Variants in LRP2 observed in about 807,000 individuals in gnomAD.
The protein encoded by LRP2 is low-density lipoprotein receptor-related protein 2.
A neutral mutation model predicts 531.0 loss-of-function variants in LRP2; 172 were observed. The observed-to-expected ratio is 0.32, with a 90% CI of 0.29 to 0.37. The LOEUF (loss-of-function observed/expected upper bound fraction) is 0.37. Ranked by LOEUF, LRP2 falls within the 10% of genes least tolerant of loss-of-function variation. LRP2 has a pLI of 1.00. For synonymous variants in LRP2, 1,992 were observed against 2,027.6 expected (o/e 0.98, Z 0.47); for missense variants, 5,167 against 5,868.3 (o/e 0.88, Z 3.90).
intron 37 of LRP2, among the ~76,000 whole-genome samples, chr2:169,210,182 C>A (rs568909951): frequency 1.6e-4 from 24 of 152,174 alleles, no homozygotes; most frequent in African/African-American, 2.7e-4. Flanking sequence ...TTGCAATCCT[C>A]GATTAAATAA....
intron 63 of LRP2, among the ~76,000 whole-genome samples, chr2:169,160,683 A>AG (rs1686545485): frequency 1.1e-5 from 1 of 87,696 alleles, no homozygotes; most frequent in Non-Finnish European, 2.4e-5. Context: ...TTATTTCCTT[A>AG]AAAAAAAAAA....
rs1688517034 is a variant in LRP2, at chr2:169,209,461, C to G, written c.6461G>C (p.Trp2154Ser). The change falls in exon 38 of 79, where the codon TGG (tryptophan) becomes TCG (serine). Residue 2154 changes from tryptophan to serine, a missense_variant. Around this residue, in one of 6 missense-constraint regions of LRP2, gnomAD observed 2,811 missense variants for 3,058.0 expected, o/e 0.92. Transcript: ENST00000649046. ...ENGVRGIAVD[W>S]VAGNLYFTNA... ...CCATATAGCTTACATACCTGCTACC[C>G]AATCCACTGCAATACCCCGGACTCC... 3 of 1,613,958 alleles carry G rather than the reference C, an allele frequency of 1.9e-6. No homozygotes were observed. In the South Asian group the frequency reaches 3.3e-5, roughly 18 times the overall value.
Position 169,209,510 on chromosome 2 carries a change from C to A in LRP2, c.6412G>T (p.Val2138Leu), listed in dbSNP as rs763167504. The A allele has an allele frequency of 6.2e-7, 1 of 1,614,142 alleles. No individual in the cohort carries two copies. The highest frequency in any genetic ancestry group is 1.1e-5 in the South Asian group (1 of 91,084). ...KPDGSSLMNI[V>L]THGIGENGVR... ...CCATTTTCTCCTATTCCATGTGTCA[C>A]AATGTTCATCAGAGAAGATCCATCT... Residue 2138 changes from valine to leucine, a missense_variant, in exon 38 of 79, where the codon GTG becomes TTG. Physicochemically the swap from Val to Leu is conservative, Grantham distance 32. Around this residue, in one of 6 missense-constraint regions of LRP2, gnomAD observed 2,811 missense variants for 3,058.0 expected, o/e 0.92. Transcript: ENST00000649046.
intron 1 of LRP2, among the ~76,000 whole-genome samples, chr2:169,360,267 G>T (rs1686114247): frequency 6.6e-6 from 1 of 151,528 alleles, no homozygotes; most frequent in Non-Finnish European, 1.5e-5. Flanking sequence ...TTACTGAATT[G>T]TTCTGTGCCT....
At chr2:169,308,964 T>C (rs1365617703) in intron 3 of LRP2, among the ~76,000 whole-genome samples, 3 of 152,202 alleles carry the variant, frequency 2.0e-5, no homozygotes, top group Non-Finnish European at 4.4e-5. Context: ...TGCATTTCTC[T>C]GATGCTCAGT....
chr2:169,161,889 C>T (rs1206827776), intron 63 of LRP2, among the ~76,000 whole-genome samples: 1 of 152,146 alleles, frequency 6.6e-6, no homozygotes, highest in African/African-American at 2.4e-5. Flanking sequence ...CTGCATTTGG[C>T]TTAAGATTTT....
intron 34 of LRP2, among the ~76,000 whole-genome samples, chr2:169,219,486 G>A (rs902567852): frequency 3.3e-5 from 5 of 152,258 alleles, no homozygotes; most frequent in Admixed American, 3.3e-4. Context: ...CTCCTAACTG[G>A]TCTCCCTGGC....
In LRP2 at chr2:169,279,378, G is replaced by T; in HGVS notation, c.1559C>A (p.Thr520Asn). ...ATGTTTTCACATCACTTACCCAACA[G>T]TTGGGTCCACGGCAATTCCTCTAGG... ...GHPRGIAVDP[T>N]VGYLFFSDWE... Residue 520 changes from threonine to asparagine, a missense_variant, in exon 12 of 79, where the codon ACT (threonine) becomes AAT (asparagine). By Grantham distance (65) the Thr-to-Asn change is moderately conservative (BLOSUM62 0). Around this residue, in one of 6 missense-constraint regions of LRP2, gnomAD observed 2,811 missense variants for 3,058.0 expected, o/e 0.92. Coordinates refer to ENST00000649046, the MANE Select transcript of LRP2 (RefSeq NM_004525.3). 5 of 1,612,456 alleles carry T rather than the reference G, an allele frequency of 3.1e-6. No individual in the cohort carries two copies. The highest frequency in any genetic ancestry group is 4.2e-6 in the Non-Finnish European group (5 of 1,178,488).
intron 75 of LRP2, 71 bp from the exon 76 acceptor site, chr2:169,137,564 C>A (rs1685560930): frequency 1.1e-6 from 1 of 887,278 alleles, no homozygotes; most frequent in Admixed American, 1.8e-5. Context: ...CCATACTAAT[C>A]TGGTTCACAC....
intron 6 of LRP2, 67 bp from the exon 7 acceptor site, chr2:169,292,436 C>T (rs1684021679): frequency 1.0e-6 from 1 of 992,838 alleles, no homozygotes; most frequent in Non-Finnish European, 1.6e-6. Flanking sequence ...GTGCTCTCAC[C>T]TCACTGCCTA....
At chr2:169,173,295 G>A (rs1428359762) in intron 56 of LRP2, 71 bp from the exon 57 acceptor site, 3 of 1,581,584 alleles carry the variant, frequency 1.9e-6, no homozygotes, top group African/African-American at 1.3e-5. Flanking sequence ...TCACATTGAG[G>A]TTGTGGTACT....
chr2:169,237,870 G>A (rs1689661869), intron 27 of LRP2, among the ~76,000 whole-genome samples: 1 of 152,112 alleles, frequency 6.6e-6, no homozygotes, highest in Non-Finnish European at 1.5e-5. Context: ...ACCTGACCTG[G>A]AATTCAGAAT....
At position 169,233,714 on chromosome 2, in the gene LRP2, G is replaced by T. The variant is rs76615874; in HGVS notation, c.4921-126C>A. On this transcript the variant is annotated intron_variant, in intron 29 of 78. Transcript: ENST00000649046. ...ATGTCATTATTTAATAAAAACACAAGGAAGTCATTGTGCAAAAGAGCGGCA... is the reference window on the plus strand; with the variant it reads ...ATGTCATTATTTAATAAAAACACAATGAAGTCATTGTGCAAAAGAGCGGCA... 1.2e-4 allele frequency: 107 copies of T among 888,260 alleles called. No homozygotes were observed. In the African/African-American group the frequency reaches 1.6e-3, roughly 13 times the overall value. The allele number at this position is 888,260 out of a possible 1,614,324, so 55.0% of individuals were successfully genotyped here.
At chr2:169,270,344 T>G (rs1418961745) in intron 16 of LRP2, among the ~76,000 whole-genome samples, 1 of 152,092 alleles carries the variant, frequency 6.6e-6, no homozygotes, top group Non-Finnish European at 1.5e-5. Flanking sequence ...CAGCAAAAAC[T>G]TGGAACCAAC....
chr2:169,237,322 A>G, intron 27 of LRP2, 35 bp from the exon 28 acceptor site: 1 of 1,462,828 alleles, frequency 6.8e-7, no homozygotes, highest in South Asian at 1.1e-5. Context: ...TGAATTCTAG[A>G]GCAAATAAAT....
chr2:169,291,637 A>G (rs1464729382), intron 7 of LRP2, among the ~76,000 whole-genome samples: 1 of 152,162 alleles, frequency 6.6e-6, no homozygotes, highest in Non-Finnish European at 1.5e-5. Flanking sequence ...AAAAGGGTGA[A>G]TATCACTGGC....
intron 1 of LRP2, among the ~76,000 whole-genome samples, chr2:169,346,563 G>A (rs925008170): frequency 4.6e-5 from 7 of 152,124 alleles, no homozygotes; most frequent in African/African-American, 1.7e-4. Context: ...AACAGAGCTA[G>A]GCACAGTGGC....
At chr2:169,246,582 A>T in intron 21 of LRP2, 123 bp downstream of exon 21, 1 of 1,188,930 alleles carries the variant, frequency 8.4e-7, no homozygotes, top group Non-Finnish European at 1.2e-6. Context: ...AGTGCATGTT[A>T]AGAATCTGAA....
rs2105337763 is a variant in LRP2 at position 169,139,345 on chromosome 2, G to A, written c.13294C>T (p.Leu4432Phe). ...TTAVAVLLTI[L>F]LIVVIGALAI... ...AGAGCTCCAATTACGACGATCAAGA[G>A]GATTGTCAACAGCACAGCTACTGCG... Residue 4432 changes from leucine (L) to phenylalanine (F), a missense_variant, in exon 74 of 79, where the codon CTC (leucine) becomes TTC (phenylalanine). Leu to Phe is a conservative substitution (Grantham distance 22). Coordinates refer to ENST00000649046, the MANE Select transcript of LRP2 (RefSeq NM_004525.3). 6.2e-7 allele frequency: 1 copy of A among 1,614,162 alleles called. No individual in the cohort carries two copies. Among genetic ancestry groups the A allele is most frequent in the Non-Finnish European group, 8.5e-7 (1 of 1,180,030 alleles).
Sources: allele counts gnomAD v4.1 joint callset (sites outside exome capture counted in the v4.1 genomes callset), GRCh38; gene constraint gnomAD v4.1.1; regional missense constraint gnomAD v4.1.1; transcripts MANE v1.5; gene names NCBI Gene and HGNC (gene_info 2026-07-23, HGNC 2026-07-21).